Variants in TAFA2 observed in about 807,000 individuals in gnomAD.
The protein encoded by TAFA2 is TAFA chemokine like family member 2, also known as chemokine-like protein TAFA-2.
A neutral mutation model predicts 18.8 loss-of-function variants in TAFA2; 7 were observed. The ratio of observed to expected loss-of-function variants is 0.37; its 90% confidence interval spans 0.21 to 0.70. TAFA2 has a LOEUF of 0.70. Among genes scored for constraint, TAFA2 ranks in the 30% least tolerant of loss-of-function variants. TAFA2 has a pLI of 0.53. For missense variants in TAFA2, 122 were observed against 158.1 expected, an observed-to-expected ratio of 0.77 and a Z score of 1.23; for synonymous variants, 60 against 54.2, an observed-to-expected ratio of 1.11 and a Z score of -0.47.
chr12:61,867,843 T>C (rs924262536), intron 1 of TAFA2, among the ~76,000 whole-genome samples: 1 of 152,206 alleles, frequency 6.6e-6, no homozygotes, highest in South Asian at 2.1e-4. Context: ...TAACAGTTTA[T>C]ATAGAATTGC....
At chr12:61,887,897 G>A (rs866366849) in intron 1 of TAFA2, among the ~76,000 whole-genome samples, 3 of 151,990 alleles carry the variant, frequency 2.0e-5, no homozygotes, top group African/African-American at 7.3e-5. Context: ...ATAAACATAC[G>A]TGTGCATGTA....
chr12:61,897,399 A>G (rs1408491780), intron 1 of TAFA2, among the ~76,000 whole-genome samples: 1 of 152,202 alleles, frequency 6.6e-6, no homozygotes, highest in Non-Finnish European at 1.5e-5. Flanking sequence ...TCACACTGCT[A>G]TAAAGAACTG....
At chr12:61,880,130 A>G in intron 1 of TAFA2, 1 of 594,702 alleles carries the variant, frequency 1.7e-6, no homozygotes, top group Admixed American at 2.4e-5. Flanking sequence ...GTATAAGGAG[A>G]TCGCCAACTG....
intron 1 of TAFA2, among the ~76,000 whole-genome samples, chr12:62,164,343 T>G (rs1259393180): frequency 6.6e-6 from 1 of 152,162 alleles, no homozygotes; most frequent in African/African-American, 2.4e-5. Context: ...CTGGACATCA[T>G]AGTGCTGGAA....
intron 1 of TAFA2, among the ~76,000 whole-genome samples, chr12:62,174,072 G>A (rs1369917217): frequency 1.3e-5 from 2 of 152,118 alleles, no homozygotes; most frequent in African/African-American, 2.4e-5. Flanking sequence ...TGGGCGGATC[G>A]CTTGAGGCCA....
At chr12:62,081,315 A>T (rs1868319570) in intron 1 of TAFA2, among the ~76,000 whole-genome samples, 1 of 152,198 alleles carries the variant, frequency 6.6e-6, no homozygotes, top group Non-Finnish European at 1.5e-5. Context: ...TCGTTATTTA[A>T]AAAACTATAT....
At chr12:61,875,537 T>A (rs532695389) in intron 1 of TAFA2, among the ~76,000 whole-genome samples, 1 of 152,068 alleles carries the variant, frequency 6.6e-6, no homozygotes, top group Non-Finnish European at 1.5e-5. Context: ...CATCAAAAAT[T>A]TGAGTCTAAC....
chr12:61,839,875 TA>T (rs1427593068), intron 2 of TAFA2, among the ~76,000 whole-genome samples: 1 of 151,538 alleles, frequency 6.6e-6, no homozygotes, highest in Non-Finnish European at 1.5e-5. Flanking sequence ...AAGTTTAAAT[TA>T]AAAAAATAAG....
In TAFA2 at chr12:62,226,714, G is replaced by A. The variant is rs193072565; in HGVS notation, c.-130+32049C>T. 2.3e-4 allele frequency among the ~76,000 whole-genome samples: 35 copies of A among 152,218 alleles called. 1 individual carries two copies. The highest frequency in any genetic ancestry group is 1.5e-3 in the Admixed American group (23 of 15,292). On this transcript the variant is annotated intron_variant, in intron 1 of 5. Coordinates refer to the TAFA2 transcript ENST00000551619. ...TCTCATATTTCCAAAATCAATTAAT[G>A]ACTCTACTATTCACCAAGTTACCCA...
chr12:62,180,566 CA>C (rs1592386372), intron 1 of TAFA2, among the ~76,000 whole-genome samples: 1 of 152,052 alleles, frequency 6.6e-6, no homozygotes, highest in East Asian at 1.9e-4. Flanking sequence ...TTTTATTAAA[CA>C]TATGTGTTTT....
intron 2 of TAFA2, among the ~76,000 whole-genome samples, chr12:61,778,042 T>C (rs1174999066): frequency 6.6e-6 from 1 of 151,824 alleles, no homozygotes; most frequent in Non-Finnish European, 1.5e-5. Context: ...AAATCTTTCC[T>C]ATTGTGAATG....
intron 1 of TAFA2, among the ~76,000 whole-genome samples, chr12:61,885,795 G>A (rs891601551): frequency 7.2e-5 from 11 of 152,138 alleles, no homozygotes; most frequent in Non-Finnish European, 1.3e-4. Flanking sequence ...CGCCAGTGAC[G>A]TGAGTGTCGG....
chr12:61,731,580 C>T (rs937645399), intron 4 of TAFA2, among the ~76,000 whole-genome samples: 3 of 144,826 alleles, frequency 2.1e-5, no homozygotes, highest in Non-Finnish European at 3.0e-5. Flanking sequence ...CTTTTACTTC[C>T]GCCTCTCAGA....
chr12:61,978,137 A>G (rs1258971667), intron 1 of TAFA2, among the ~76,000 whole-genome samples: 3 of 152,032 alleles, frequency 2.0e-5, no homozygotes, highest in African/African-American at 7.2e-5. Flanking sequence ...ACATTTTTCC[A>G]TGTAAAATAA....
chr12:61,975,741 G>T (rs991221564), intron 1 of TAFA2, among the ~76,000 whole-genome samples: 3 of 151,756 alleles, frequency 2.0e-5, no homozygotes, highest in African/African-American at 7.3e-5. Context: ...CCCCTTTGAG[G>T]TTGTTGGTTA....
intron 1 of TAFA2, among the ~76,000 whole-genome samples, chr12:62,080,705 C>T (rs559235169): frequency 1.3e-5 from 2 of 152,072 alleles, no homozygotes; most frequent in South Asian, 4.2e-4. Flanking sequence ...ACAATGATTG[C>T]CACTTTGTAT....
chr12:62,142,012 A>G (rs558690699), intron 1 of TAFA2, among the ~76,000 whole-genome samples: 4 of 152,328 alleles, frequency 2.6e-5, no homozygotes, highest in African/African-American at 7.2e-5. Flanking sequence ...AATGCCAGGC[A>G]TCACACGGTC....
chr12:62,097,755 C>T (rs1869013389), intron 1 of TAFA2, among the ~76,000 whole-genome samples: 1 of 152,158 alleles, frequency 6.6e-6, no homozygotes, highest in Non-Finnish European at 1.5e-5. Flanking sequence ...TTATGACCCA[C>T]TCTGATTTTT....
At chr12:62,117,291 G>A (rs1398630205) in intron 1 of TAFA2, among the ~76,000 whole-genome samples, 1 of 152,072 alleles carries the variant, frequency 6.6e-6, no homozygotes, top group African/African-American at 2.4e-5. Flanking sequence ...TCCTGTGTTT[G>A]TTTGGATCTT....
Sources: allele counts gnomAD v4.1 joint callset (sites outside exome capture counted in the v4.1 genomes callset), GRCh38; gene constraint gnomAD v4.1.1; transcripts MANE v1.5; gene names NCBI Gene and HGNC (gene_info 2026-07-23, HGNC 2026-07-21).